Variants in ARHGAP26 observed in about 807,000 individuals in gnomAD.
The protein encoded by ARHGAP26 is Rho GTPase activating protein 26, also known as rho GTPase-activating protein 26.
A neutral mutation model predicts 104.8 loss-of-function variants in ARHGAP26; 38 were observed. The observed-to-expected ratio is 0.36, with a 90% CI of 0.28 to 0.48. The LOEUF (loss-of-function observed/expected upper bound fraction) is 0.48, where lower values mean the gene tolerates loss of function less well. Among genes scored for constraint, ARHGAP26 ranks in the 20% least tolerant of loss-of-function variants. The pLI is 0.99. For missense variants in ARHGAP26, 704 were observed against 947.9 expected (o/e 0.74, Z 3.38); for synonymous variants, 341 against 340.0 (o/e 1.00, Z -0.03).
intron 17 of ARHGAP26, among the ~76,000 whole-genome samples, chr5:143,086,369 A>G (rs1330067940): frequency 2.7e-5 from 4 of 150,694 alleles, no homozygotes; most frequent in Non-Finnish European, 5.9e-5. Context: ...GTCTTATACA[A>G]GCAACTTTTG....
At chr5:143,195,912 A>G (rs972366501) in intron 20 of ARHGAP26, among the ~76,000 whole-genome samples, 6 of 150,008 alleles carry the variant, frequency 4.0e-5, no homozygotes, top group South Asian at 2.2e-4. Context: ...TATGGGAACA[A>G]GGGATATAGG....
chr5:143,156,589 C>T (rs538027496), intron 20 of ARHGAP26, among the ~76,000 whole-genome samples: 4 of 152,326 alleles, frequency 2.6e-5, no homozygotes, highest in African/African-American at 9.6e-5. Flanking sequence ...GATTCTGATA[C>T]ATGCTCAAGT....
intron 11 of ARHGAP26, among the ~76,000 whole-genome samples, chr5:142,938,798 T>C (rs770761990): frequency 2.0e-5 from 3 of 152,232 alleles, no homozygotes; most frequent in Non-Finnish European, 4.4e-5. Context: ...CAACTGCTTA[T>C]ATCGCCTCCT....
chr5:142,771,916 C>T (rs1597546224), intron 1 of ARHGAP26, among the ~76,000 whole-genome samples: 1 of 152,142 alleles, frequency 6.6e-6, no homozygotes, highest in East Asian at 1.9e-4. Context: ...TTTTTGGTGC[C>T]TTTTCAGTCT....
At chr5:143,042,570 C>G (rs1783630523) in intron 14 of ARHGAP26, among the ~76,000 whole-genome samples, 1 of 152,214 alleles carries the variant, frequency 6.6e-6, no homozygotes. Flanking sequence ...CAGCCAGCCT[C>G]CATGAATCAC....
At chr5:143,052,858 G>A (rs1029263224) in intron 14 of ARHGAP26, among the ~76,000 whole-genome samples, 1 of 152,204 alleles carries the variant, frequency 6.6e-6, no homozygotes, top group African/African-American at 2.4e-5. Context: ...AGGAGGAACA[G>A]CTTTCTTCAT....
At chr5:143,147,038 T>A (rs1411299435) in intron 19 of ARHGAP26, among the ~76,000 whole-genome samples, 193 bp from the exon 20 acceptor site, 1 of 152,186 alleles carries the variant, frequency 6.6e-6, no homozygotes, top group Non-Finnish European at 1.5e-5. Context: ...GCTTTAAAAT[T>A]TCGAGTCACC....
chr5:143,028,191 A>T (rs1027390369), intron 12 of ARHGAP26, among the ~76,000 whole-genome samples: 2 of 152,172 alleles, frequency 1.3e-5, no homozygotes, highest in African/African-American at 4.8e-5. Flanking sequence ...GATGATGATG[A>T]TAAGAAAATG....
At chr5:142,964,509 C>G (rs1220339359) in intron 11 of ARHGAP26, among the ~76,000 whole-genome samples, 1 of 151,744 alleles carries the variant, frequency 6.6e-6, no homozygotes, top group Non-Finnish European at 1.5e-5. Context: ...GCTCCTAAAG[C>G]CACTGAGCTT....
rs114311721 is a variant in ARHGAP26, at chr5:143,091,481, T to C, written c.1539-29507T>C. On this transcript the variant is annotated intron_variant, in intron 17 of 22. Coordinates refer to ENST00000645722, the MANE Select transcript of ARHGAP26 (RefSeq NM_001135608.3). ...GGACTTTATAGTCCTTGGTACCTTT[T>C]TACTGAGAAATTTCCTTTAGCACCT... Among the ~76,000 whole-genome samples, 1,082 of 152,338 alleles carry C rather than the reference T, an allele frequency of 7.1e-3. 12 individuals carry two copies. The highest frequency in any genetic ancestry group is 0.025 in the African/African-American group (1,023 of 41,558).
intron 19 of ARHGAP26, among the ~76,000 whole-genome samples, chr5:143,142,816 C>T (rs892108841): frequency 6.6e-6 from 1 of 152,198 alleles, no homozygotes; most frequent in African/African-American, 2.4e-5. Context: ...ATCATCCCAT[C>T]TTGTCAAGAT....
chr5:142,890,154 ATATATATATATATATAT>A (rs1562024057), intron 5 of ARHGAP26, among the ~76,000 whole-genome samples: 933 of 46,212 alleles, frequency 0.02, 85 homozygotes, highest in African/African-American at 0.09. Context: ...AAAAAAAAAT[ATATATATATATATATAT>A]ATATATATAT....
intron 22 of ARHGAP26, among the ~76,000 whole-genome samples, chr5:143,220,109 T>C (rs185003662): frequency 2.6e-5 from 4 of 152,354 alleles, no homozygotes; most frequent in African/African-American, 9.6e-5. Flanking sequence ...GGAGATGGAC[T>C]CAGTGCATCC....
chr5:143,037,868 T>C (rs1782880160), intron 13 of ARHGAP26, among the ~76,000 whole-genome samples: 1 of 152,216 alleles, frequency 6.6e-6, no homozygotes, highest in Admixed American at 6.5e-5. Flanking sequence ...CCCAAGATGC[T>C]CTGGGGAGCT....
intron 19 of ARHGAP26, among the ~76,000 whole-genome samples, chr5:143,140,914 A>T (rs1454067185): frequency 6.6e-6 from 1 of 152,238 alleles, no homozygotes; most frequent in Non-Finnish European, 1.5e-5. Flanking sequence ...TATATTTCTC[A>T]TGTGTGTCTT....
chr5:142,807,753 G>A (rs939425124), intron 1 of ARHGAP26, among the ~76,000 whole-genome samples: 2 of 152,126 alleles, frequency 1.3e-5, no homozygotes, highest in African/African-American at 4.8e-5. Context: ...GGGTATCAGC[G>A]GGACAGAGAT....
Position 142,851,236 on chromosome 5 carries a change from A to ACAGATGTGTG in ARHGAP26, c.155-22162_155-22153dup, listed in dbSNP as rs536664441. Among the ~76,000 whole-genome samples the ACAGATGTGTG allele has an allele frequency of 7.9e-3, 1,196 of 152,026 alleles. 23 individuals are homozygous for ACAGATGTGTG. The highest frequency in any genetic ancestry group is 0.027 in the African/African-American group (1,124 of 41,452). On this transcript the variant is annotated intron_variant, in intron 1 of 22. Transcript: ENST00000645722. ...CTCAGCCTCCCGAGTAGTTGGGATT[A>ACAGATGTGTG]CAGATGTGTGCCACCATGCCCGGCT...
chr5:143,135,725 A>G (rs1797838367), intron 19 of ARHGAP26, among the ~76,000 whole-genome samples: 1 of 152,206 alleles, frequency 6.6e-6, no homozygotes, highest in African/African-American at 2.4e-5. Context: ...CCTTGTAACT[A>G]AATCTGCTCT....
rs753260126 is a variant in ARHGAP26 at position 143,012,577 on chromosome 5, T to TAAA, written c.1108-1502_1108-1501insAAA. On this transcript the variant is annotated intron_variant, in intron 11 of 22. Transcript: ENST00000645722. ...CATATATATATATATATATATATAT[T>TAAA]ATGATCAGGTTCACCTTATGCCTTT... is the stretch of plus-strand genomic sequence containing the variant. Among the ~76,000 whole-genome samples the TAAA allele has an allele frequency of 2.6e-3, 49 of 19,094 alleles. 6 individuals carry two copies. Among genetic ancestry groups the TAAA allele is most frequent in the African/African-American group, 4.9e-3 (46 of 9,380 alleles). 12.5% of individuals were successfully genotyped at this position (19,094 alleles called of 152,430 possible).
Sources: allele counts gnomAD v4.1 joint callset (sites outside exome capture counted in the v4.1 genomes callset), GRCh38; gene constraint gnomAD v4.1.1; transcripts MANE v1.5; gene names NCBI Gene and HGNC (gene_info 2026-07-23, HGNC 2026-07-21).